The following ST8SIA4 variants were observed in gnomAD, a reference collection of about 807,000 sequenced individuals.
The protein encoded by ST8SIA4 is ST8 alpha-N-acetyl-neuraminide alpha-2,8-sialyltransferase 4.
Under a neutral mutation model 33.9 loss-of-function variants are expected in ST8SIA4, and 15 were observed. That is an observed-to-expected ratio of 0.44 (90% CI 0.30 to 0.68). The LOEUF is 0.68. ST8SIA4 is among the 30% of genes least tolerant of loss of function. The probability of loss-of-function intolerance (pLI) is 0.10; values close to 1 mark genes in which losing one functional copy is unlikely to be tolerated. For synonymous variants in ST8SIA4, 171 were observed against 151.2 expected (o/e 1.13, Z -0.96); for missense variants, 321 against 428.0 (o/e 0.75, Z 2.21).
At chr5:100,836,762 A>G (rs2112419818) in intron 4 of ST8SIA4, among the ~76,000 whole-genome samples, 1 of 152,152 alleles carries the variant, frequency 6.6e-6, no homozygotes, top group Admixed American at 6.6e-5. Context: ...TAAAAGCATT[A>G]TCTCCAGATT....
At chr5:100,832,373 C>T (rs940741186) in intron 4 of ST8SIA4, among the ~76,000 whole-genome samples, 12 of 151,976 alleles carry the variant, frequency 7.9e-5, no homozygotes, top group Non-Finnish European at 1.3e-4. Flanking sequence ...ATTTTCGTAT[C>T]GCAGATGTTT....
At chr5:100,879,365 GT>G in intron 3 of ST8SIA4, among the ~76,000 whole-genome samples, 1 of 152,198 alleles carries the variant, frequency 6.6e-6, no homozygotes, top group South Asian at 2.1e-4. Context: ...TTTAGAAATT[GT>G]TCTTGAAAGT....
chr5:100,845,127 C>T (rs1415123762), intron 4 of ST8SIA4, among the ~76,000 whole-genome samples: 2 of 151,968 alleles, frequency 1.3e-5, no homozygotes, highest in African/African-American at 4.8e-5. Context: ...TATGATCAAC[C>T]ACATGAGACA....
intron 2 of ST8SIA4, among the ~76,000 whole-genome samples, chr5:100,888,138 G>A (rs1279635676): frequency 1.3e-5 from 2 of 151,400 alleles, no homozygotes; most frequent in African/African-American, 4.9e-5. Context: ...ATCACTGGAT[G>A]AGGTTATTTA....
chr5:100,886,105 C>CA, intron 3 of ST8SIA4: 2 of 1,275,218 alleles, frequency 1.6e-6, no homozygotes, highest in Non-Finnish European at 9.9e-7. Flanking sequence ...CTCACCTCAC[C>CA]AAAAAAAGCT....
At chr5:100,864,370 C>T (rs1752015578) in intron 3 of ST8SIA4, among the ~76,000 whole-genome samples, 1 of 151,644 alleles carries the variant, frequency 6.6e-6, no homozygotes, top group South Asian at 2.1e-4. Flanking sequence ...GTCAGGAGAT[C>T]GAGACTATCC....
rs114184124 is a variant in ST8SIA4, at chr5:100,862,691, C to T, written c.504-6295G>A. 4.1e-3 allele frequency among the ~76,000 whole-genome samples: 623 copies of T among 152,302 alleles called. 1 individual carries two copies. The highest frequency in any genetic ancestry group is 0.014 in the African/African-American group (590 of 41,570). On this transcript the variant is annotated intron_variant, in intron 3 of 4. Transcript: ENST00000231461. ...AGCTGGGATTACAGGCATGAGCCACCGCACCTGGCCGAATACCTTTTATTG... is the reference window on the plus strand; with the variant it reads ...AGCTGGGATTACAGGCATGAGCCACTGCACCTGGCCGAATACCTTTTATTG...
chr5:100,894,459 A>C (rs554108252), intron 2 of ST8SIA4, among the ~76,000 whole-genome samples: 1 of 152,226 alleles, frequency 6.6e-6, no homozygotes, highest in East Asian at 1.9e-4. Flanking sequence ...CCACCAAACT[A>C]AAAGCAAACA....
chr5:100,835,433 C>G (rs1199527171), intron 4 of ST8SIA4, among the ~76,000 whole-genome samples: 1 of 151,810 alleles, frequency 6.6e-6, no homozygotes, highest in Non-Finnish European at 1.5e-5. Context: ...TTTTTTCAAC[C>G]AAAGTAAATG....
At chr5:100,854,280 C>T (rs1457619884) in intron 4 of ST8SIA4, among the ~76,000 whole-genome samples, 1 of 151,566 alleles carries the variant, frequency 6.6e-6, no homozygotes, top group Admixed American at 6.6e-5. Context: ...TAAACATGAT[C>T]TAATTATAAG....
chr5:100,881,635 A>T (rs566000235), intron 3 of ST8SIA4, among the ~76,000 whole-genome samples: 1 of 152,314 alleles, frequency 6.6e-6, no homozygotes, highest in African/African-American at 2.4e-5. Flanking sequence ...TGACTCAATG[A>T]GGTTCTCACT....
At chr5:100,849,384 A>G (rs749504238) in intron 4 of ST8SIA4, 183 of 985,312 alleles carry the variant, frequency 1.9e-4, no homozygotes, top group South Asian at 2.3e-4. Flanking sequence ...GTAATTCTTC[A>G]AAATTCTCTA....
chr5:100,812,928 G>T (rs1750843257), intron 4 of ST8SIA4, among the ~76,000 whole-genome samples: 2 of 152,048 alleles, frequency 1.3e-5, no homozygotes, highest in African/African-American at 4.8e-5. Context: ...TAAGGACAAT[G>T]ACCTTTTTTG....
intron 4 of ST8SIA4, among the ~76,000 whole-genome samples, chr5:100,853,610 G>A (rs1443705963): frequency 6.6e-6 from 1 of 152,198 alleles, no homozygotes; most frequent in East Asian, 1.9e-4. Flanking sequence ...AGGAATTAGT[G>A]AAGTAGTTTA....
chr5:100,884,569 G>C (rs1456048743), intron 3 of ST8SIA4, among the ~76,000 whole-genome samples: 2 of 152,176 alleles, frequency 1.3e-5, no homozygotes, highest in Non-Finnish European at 2.9e-5. Flanking sequence ...AAAAGTGAAA[G>C]TGAGAGGTGG....
intron 3 of ST8SIA4, among the ~76,000 whole-genome samples, chr5:100,869,823 A>G (rs765463824): frequency 5.3e-5 from 8 of 152,102 alleles, no homozygotes; most frequent in Non-Finnish European, 1.2e-4. Flanking sequence ...ACCTAACAAT[A>G]GGGTGGTCTC....
chr5:100,850,449 A>T (rs964212471), intron 4 of ST8SIA4, among the ~76,000 whole-genome samples: 3 of 149,094 alleles, frequency 2.0e-5, no homozygotes, highest in Admixed American at 6.7e-5. Context: ...AGTAAAAATT[A>T]AAAAAAAAAC....
At chr5:100,860,788 T>C (rs1380921879) in intron 3 of ST8SIA4, among the ~76,000 whole-genome samples, 1 of 152,182 alleles carries the variant, frequency 6.6e-6, no homozygotes, top group Non-Finnish European at 1.5e-5. Flanking sequence ...TGTCTATAAA[T>C]TCATCCTGCA....
At chr5:100,898,371 A>G (rs934889848) in intron 1 of ST8SIA4, among the ~76,000 whole-genome samples, 1 of 152,206 alleles carries the variant, frequency 6.6e-6, no homozygotes, top group African/African-American at 2.4e-5. Context: ...ACATTTTTAC[A>G]TGGCAGAATG....
Sources: allele counts gnomAD v4.1 joint callset (sites outside exome capture counted in the v4.1 genomes callset), GRCh38; gene constraint gnomAD v4.1.1; transcripts MANE v1.5; gene names NCBI Gene and HGNC (gene_info 2026-07-23, HGNC 2026-07-21).